Variants in PCMT1 observed in about 807,000 individuals in gnomAD.
The protein encoded by PCMT1 is protein-L-isoaspartate (D-aspartate) O-methyltransferase, also known as protein-L-isoaspartate(D-aspartate) O-methyltransferase.
A neutral mutation model predicts 29.2 loss-of-function variants in PCMT1; 9 were observed. That is an observed-to-expected ratio of 0.31 (90% CI 0.19 to 0.54). PCMT1 has a LOEUF of 0.54. Among genes scored for constraint, PCMT1 ranks in the 20% least tolerant of loss-of-function variants. The probability of loss-of-function intolerance (pLI) is 0.95; values close to 1 mark genes in which losing one functional copy is unlikely to be tolerated. For synonymous variants in PCMT1, 98 were observed against 97.5 expected (o/e 1.00, Z -0.03); for missense variants, 184 against 282.2 (o/e 0.65, Z 2.49).
At chr6:149,768,444 ATTT>A (rs548328646) in intron 1 of PCMT1, among the ~76,000 whole-genome samples, 1,899 of 75,820 alleles carry the variant, frequency 0.025, 35 homozygotes, top group African/African-American at 0.095. Flanking sequence ...TTAGTCTTGA[ATTT>A]TTTTTTTTTT....
intron 6 of PCMT1, chr6:149,799,202 T>TACA (rs1178269025): frequency 4.6e-5 from 7 of 152,270 alleles, no homozygotes; most frequent in African/African-American, 1.2e-4. Context: ...TAGTCCCAGC[T>TACA]ACATGGGAGG....
chr6:149,763,291 G>GAT (rs1191689020), intron 1 of PCMT1, among the ~76,000 whole-genome samples: 2 of 141,658 alleles, frequency 1.4e-5, no homozygotes, highest in East Asian at 2.0e-4. Flanking sequence ...TGATATCTAT[G>GAT]ATATATATAT....
At chr6:149,798,623 A>G (rs952473216) in intron 6 of PCMT1, among the ~76,000 whole-genome samples, 8 of 152,222 alleles carry the variant, frequency 5.3e-5, no homozygotes, top group African/African-American at 1.7e-4. Flanking sequence ...CATAAACTCC[A>G]TACTCAATTA....
intron 1 of PCMT1, among the ~76,000 whole-genome samples, chr6:149,759,170 C>T (rs138378132): frequency 0.016 from 2,360 of 152,170 alleles, 70 homozygotes; most frequent in African/African-American, 0.053. Context: ...CCACCGCGCC[C>T]GGCCATGTTG....
rs1489758575 is a variant in PCMT1, at chr6:149,810,747, A to G, written c.*169A>G. 2.7e-6 allele frequency: 2 copies of G among 735,558 alleles called. No homozygotes were observed. The highest frequency in any genetic ancestry group is 1.8e-5 in the African/African-American group (1 of 55,090). 45.6% of individuals were successfully genotyped at this position (735,558 alleles called of 1,614,324 possible). A position where few individuals can be genotyped will look rare whatever the true frequency, so the allele number is the denominator to read the frequency against. On this transcript the variant is annotated 3_prime_UTR_variant, in exon 8 of 8. Coordinates refer to ENST00000464889, the MANE Select transcript of PCMT1 (RefSeq NM_001360452.2). ...TGGACTTTGTTACACTGTTATTTTC[A>G]GCATGAAAATGTGTGTTTTTTTAGG... is the stretch of plus-strand genomic sequence containing the variant.
chr6:149,786,127 T>C (rs1241855453), intron 3 of PCMT1, among the ~76,000 whole-genome samples: 1 of 126,546 alleles, frequency 7.9e-6, no homozygotes, highest in Non-Finnish European at 1.6e-5. Flanking sequence ...GAGGCGCCCC[T>C]CACCTCCCGG....
intron 3 of PCMT1, among the ~76,000 whole-genome samples, chr6:149,787,156 CAATCGCAG>C (rs976856571): frequency 6.8e-6 from 1 of 146,926 alleles, no homozygotes; most frequent in Non-Finnish European, 1.5e-5. Context: ...CGCGCGCCTG[CAATCGCAG>C]GCACTCGGCA....
rs370536400 is a variant in PCMT1, at chr6:149,790,983, GCAA to G, written c.297+941_297+943del. ...ATTGCACCACTGCACTCCAGCCTGG[GCAA>G]CAACAACAACAACAAAAACCTACTG... On this transcript the variant is annotated intron_variant, in intron 4 of 7. Coordinates refer to ENST00000464889, the MANE Select transcript of PCMT1 (RefSeq NM_001360452.2). Among the ~76,000 whole-genome samples, 153 of 152,084 alleles carry G rather than the reference GCAA, an allele frequency of 1.0e-3. 1 individual carries two copies. The highest frequency in any genetic ancestry group is 3.2e-3 in the African/African-American group (133 of 41,500).
Position 149,805,847 on chromosome 6 carries a change from A to C in PCMT1, c.*37+3431A>C, listed in dbSNP as rs1037072962. Among the ~76,000 whole-genome samples, 9 of 151,800 alleles carry C rather than the reference A, an allele frequency of 5.9e-5. No homozygotes were observed. The South Asian group carries it at 8.4e-4, about 14-fold the overall frequency. Reference sequence around the variant, plus strand: ...TTCCAGCTACTCGGGAGGCTGAGGCAGGAGAATCACTTGAACCTGGGAGGT... The same window carrying C: ...TTCCAGCTACTCGGGAGGCTGAGGCCGGAGAATCACTTGAACCTGGGAGGT... On this transcript the variant is annotated intron_variant, in intron 7 of 7. Coordinates refer to ENST00000464889, the MANE Select transcript of PCMT1 (RefSeq NM_001360452.2).
intron 1 of PCMT1, among the ~76,000 whole-genome samples, chr6:149,764,196 C>A (rs557141157): frequency 2.8e-4 from 43 of 152,238 alleles, no homozygotes; most frequent in Admixed American, 9.8e-4. Context: ...ATGTTAGTAG[C>A]AGTATAGTGA....
intron 1 of PCMT1, among the ~76,000 whole-genome samples, chr6:149,752,024 C>T (rs1413753629): frequency 7.7e-6 from 1 of 130,696 alleles, no homozygotes; most frequent in Non-Finnish European, 1.6e-5. Flanking sequence ...CCATACCAGG[C>T]TAATTTTTAG....
At chr6:149,794,352 G>A (rs1788507589) in intron 5 of PCMT1, among the ~76,000 whole-genome samples, 1 of 152,178 alleles carries the variant, frequency 6.6e-6, no homozygotes, top group Non-Finnish European at 1.5e-5. Flanking sequence ...AGGAGCGGTG[G>A]CTCACACCTG....
chr6:149,749,816 G>T lies in PCMT1; in HGVS notation c.-86G>T. On this transcript the variant is annotated 5_prime_UTR_variant, in exon 1 of 8. Coordinates refer to ENST00000464889, the MANE Select transcript of PCMT1 (RefSeq NM_001360452.2). ...GACGCGAGCGGGGCGGTGACGGTGT[G>T]GGAGGTGGTCTCACTCTTGGGAAAA... The T allele has an allele frequency of 1.3e-6, 2 of 1,556,302 alleles. No individual in the cohort carries two copies. The highest frequency in any genetic ancestry group is 1.7e-6 in the Non-Finnish European group (2 of 1,149,436).
chr6:149,776,317 G>A (rs1189475319), intron 3 of PCMT1, among the ~76,000 whole-genome samples: 2 of 151,822 alleles, frequency 1.3e-5, no homozygotes, highest in African/African-American at 2.4e-5. Flanking sequence ...GCATGATCTC[G>A]GCTCACTGCA....
intron 7 of PCMT1, among the ~76,000 whole-genome samples, chr6:149,804,312 ATTTTTC>A (rs1420833068): frequency 6.6e-6 from 1 of 151,812 alleles, no homozygotes; most frequent in Non-Finnish European, 1.5e-5. Flanking sequence ...CAACTTAGAA[ATTTTTC>A]TTTTTATATA....
chr6:149,758,503 C>A (rs1184410714), intron 1 of PCMT1, among the ~76,000 whole-genome samples: 1 of 151,912 alleles, frequency 6.6e-6, no homozygotes, highest in Non-Finnish European at 1.5e-5. Flanking sequence ...AGCCACTGCA[C>A]CTGGCCCAAT....
intron 1 of PCMT1, among the ~76,000 whole-genome samples, chr6:149,764,664 C>T (rs1252940740): frequency 6.6e-6 from 1 of 152,084 alleles, no homozygotes; most frequent in East Asian, 1.9e-4. Flanking sequence ...CACTGGAACT[C>T]AGGAGTCTGA....
intron 1 of PCMT1, among the ~76,000 whole-genome samples, chr6:149,768,023 A>T (rs1053453174): frequency 6.7e-6 from 1 of 149,826 alleles, no homozygotes; most frequent in Admixed American, 6.7e-5. Context: ...TAAACTCCTG[A>T]CCTCAGGTGA....
intron 3 of PCMT1, among the ~76,000 whole-genome samples, chr6:149,777,760 A>G (rs1237128366): frequency 6.6e-6 from 1 of 151,730 alleles, no homozygotes; most frequent in African/African-American, 2.4e-5. Context: ...TTGATCTGTT[A>G]TCAATTCCTT....
Sources: allele counts gnomAD v4.1 joint callset (sites outside exome capture counted in the v4.1 genomes callset), GRCh38; gene constraint gnomAD v4.1.1; transcripts MANE v1.5; gene names NCBI Gene and HGNC (gene_info 2026-07-23, HGNC 2026-07-21).